INPP4B: variants seen among roughly 807,000 people sequenced by gnomAD.
INPP4B encodes inositol polyphosphate-4-phosphatase type II B, also known as inositol polyphosphate 4-phosphatase type II.
A neutral mutation model predicts 122.5 loss-of-function variants in INPP4B; 55 were observed. The observed-to-expected ratio is 0.45, with a 90% confidence interval of 0.36 to 0.56. The LOEUF (loss-of-function observed/expected upper bound fraction) is 0.56, where lower values mean the gene tolerates loss of function less well. Among genes scored for constraint, INPP4B ranks in the 20% least tolerant of loss-of-function variants. The pLI is 0.00. For missense variants in INPP4B, 1,000 were observed against 1,097.7 expected (o/e 0.91, Z 1.26); for synonymous variants, 403 against 388.7 (o/e 1.04, Z -0.43).
intron 2 of INPP4B, chr4:142,560,415 G>A (rs1393795017): frequency 6.6e-6 from 1 of 152,204 alleles, no homozygotes; most frequent in Non-Finnish European, 1.5e-5. Flanking sequence ...TAATAGGATA[G>A]ATGTACATAT....
intron 2 of INPP4B, among the ~76,000 whole-genome samples, chr4:142,491,148 C>G (rs1426117163): frequency 6.6e-6 from 1 of 152,106 alleles, no homozygotes. Context: ...ACACTGTTCT[C>G]TACAATGGCT....
intron 15 of INPP4B, among the ~76,000 whole-genome samples, chr4:142,191,446 C>A (rs1047909039): frequency 6.6e-6 from 1 of 152,134 alleles, no homozygotes; most frequent in Admixed American, 6.6e-5. Context: ...TGAGAAACAC[C>A]CTTCATCCCC....
At chr4:142,466,350 AT>A (rs1259387842) in intron 2 of INPP4B, among the ~76,000 whole-genome samples, 5 of 152,218 alleles carry the variant, frequency 3.3e-5, no homozygotes, top group Non-Finnish European at 7.3e-5. Flanking sequence ...ACTTAGCTGC[AT>A]TCTGTCCATG....
chr4:142,749,630 T>C (rs984270840), intron 1 of INPP4B, among the ~76,000 whole-genome samples: 3 of 151,962 alleles, frequency 2.0e-5, no homozygotes, highest in Non-Finnish European at 4.4e-5. Context: ...TAAAGTTGTG[T>C]CCACCTTGCT....
intron 25 of INPP4B, among the ~76,000 whole-genome samples, chr4:142,031,325 T>C (rs955164289): frequency 1.3e-5 from 2 of 152,198 alleles, no homozygotes; most frequent in Non-Finnish European, 2.9e-5. Flanking sequence ...AGGAAACTTC[T>C]AACGAAGCTC....
At position 142,395,882 on chromosome 4, in the gene INPP4B, TG is replaced by T. The variant is rs1799205131; in HGVS notation, c.372+7055del. ...TAGAATCAGAGAGTAAAATTGTGAT[TG>T]CTAGGAGCTGGGGAAAGGGAAAAAT... On this transcript the variant is annotated intron_variant, in intron 7 of 25. Coordinates refer to ENST00000262992, the MANE Select transcript of INPP4B (RefSeq NM_001101669.3). Among the ~76,000 whole-genome samples, 3 of 152,256 alleles carry T rather than the reference TG, an allele frequency of 2.0e-5. No homozygotes were observed. The South Asian group carries it at 6.2e-4, about 32-fold the overall frequency.
At chr4:142,504,309 T>TTTATGTGATTTGTAATCATTTATCTG (rs551069199) in intron 2 of INPP4B, among the ~76,000 whole-genome samples, 75 of 152,208 alleles carry the variant, frequency 4.9e-4, no homozygotes, top group African/African-American at 1.6e-3. Flanking sequence ...GAAATGTCAC[T>TTTATGTGATTTGTAATCATTTATCTG]TTATACCTAA....
chr4:142,193,065 C>A (rs375740311), intron 15 of INPP4B, 22 bp downstream of exon 15: 13 of 1,407,126 alleles, frequency 9.2e-6, no homozygotes, highest in Non-Finnish European at 1.3e-5. Flanking sequence ...GGAATCTGTG[C>A]TTTCCTCCTG....
At chr4:142,792,363 T>C (rs1776670526) in intron 1 of INPP4B, among the ~76,000 whole-genome samples, 1 of 152,120 alleles carries the variant, frequency 6.6e-6, no homozygotes, top group Non-Finnish European at 1.5e-5. Flanking sequence ...GAATCATTCA[T>C]ATTTCTCAGT....
At chr4:142,698,708 C>A (rs1449337596) in intron 2 of INPP4B, among the ~76,000 whole-genome samples, 1 of 152,192 alleles carries the variant, frequency 6.6e-6, no homozygotes, top group Non-Finnish European at 1.5e-5. Flanking sequence ...TCATACCAGA[C>A]TTGGTGTGCA....
chr4:142,479,979 C>T (rs1346664444), intron 2 of INPP4B, among the ~76,000 whole-genome samples: 1 of 152,090 alleles, frequency 6.6e-6, no homozygotes, highest in East Asian at 1.9e-4. Context: ...AGAATATTTC[C>T]TTCTTAACTA....
intron 2 of INPP4B, among the ~76,000 whole-genome samples, chr4:142,640,418 C>T (rs1750134414): frequency 6.6e-6 from 1 of 152,028 alleles, no homozygotes; most frequent in Non-Finnish European, 1.5e-5. Flanking sequence ...GAAGTTGACA[C>T]TGTAGAGCTG....
At chr4:142,244,273 T>C (rs1478253022) in intron 11 of INPP4B, among the ~76,000 whole-genome samples, 1 of 147,824 alleles carries the variant, frequency 6.8e-6, no homozygotes, top group African/African-American at 2.5e-5. Flanking sequence ...TGGTATTCCA[T>C]GGTGTATATG....
intron 23 of INPP4B, among the ~76,000 whole-genome samples, chr4:142,097,211 T>TTTATG (rs201586749): frequency 0.079 from 4,943 of 62,530 alleles, 130 homozygotes; most frequent in Non-Finnish European, 0.096. Flanking sequence ...CCATTTTTTG[T>TTTATG]TTATTTTATG....
At chr4:142,798,675 G>C (rs1001665188) in intron 1 of INPP4B, among the ~76,000 whole-genome samples, 3 of 151,790 alleles carry the variant, frequency 2.0e-5, no homozygotes, top group African/African-American at 7.2e-5. Context: ...AATTTAAAAA[G>C]GGAAGGAATT....
intron 11 of INPP4B, among the ~76,000 whole-genome samples, chr4:142,252,080 T>C (rs2150207184): frequency 6.6e-6 from 1 of 152,354 alleles, no homozygotes; most frequent in Admixed American, 6.5e-5. Context: ...ACTTCCTCAT[T>C]TGTGAAATAT....
chr4:142,441,376 T>C (rs962698173), intron 3 of INPP4B, among the ~76,000 whole-genome samples: 1 of 152,180 alleles, frequency 6.6e-6, no homozygotes, highest in African/African-American at 2.4e-5. Flanking sequence ...GGTGAATTCA[T>C]GCAAAAGAGA....
intron 3 of INPP4B, among the ~76,000 whole-genome samples, chr4:142,433,024 C>T (rs944573730): frequency 1.3e-5 from 2 of 152,060 alleles, no homozygotes; most frequent in South Asian, 2.1e-4. Flanking sequence ...AAAACTAATT[C>T]GCTAAGTGAA....
chr4:142,607,980 G>A (rs1383497276), intron 2 of INPP4B, among the ~76,000 whole-genome samples: 1 of 152,122 alleles, frequency 6.6e-6, no homozygotes, highest in Non-Finnish European at 1.5e-5. Flanking sequence ...CAGGACATCT[G>A]CATCCAACCT....
Sources: gnomAD v4.1 joint callset for allele counts (sites outside exome capture counted in the v4.1 genomes callset) on GRCh38, gnomAD v4.1.1 for gene constraint, MANE v1.5 for transcripts, NCBI Gene and HGNC (gene_info 2026-07-23, HGNC 2026-07-21) for gene names.